MYL1: variants seen among roughly 807,000 people sequenced by gnomAD.
MYL1 encodes the protein myosin light chain 1, also known as myosin light chain 1/3, skeletal muscle isoform.
Under a neutral mutation model 21.8 loss-of-function variants are expected in MYL1, and 16 were observed. That is an observed-to-expected ratio of 0.74 (90% CI 0.50 to 1.12). The LOEUF is 1.12. Ranked by LOEUF, MYL1 falls within the 50% of genes most tolerant of loss-of-function variation. MYL1 has a pLI of 0.00. For synonymous variants in MYL1, 99 were observed against 85.2 expected (o/e 1.16, Z -0.89); for missense variants, 246 against 241.0 (o/e 1.02, Z -0.14).
chr2:210,296,660 G>T (rs1690178327), intron 3 of MYL1, among the ~76,000 whole-genome samples: 1 of 152,064 alleles, frequency 6.6e-6, no homozygotes, highest in African/African-American at 2.4e-5. Context: ...GCTGGGTGTG[G>T]TGGTGCACAT....
intron 1 of MYL1, chr2:210,303,491 C>G: frequency 1.3e-6 from 2 of 1,550,618 alleles, no homozygotes; most frequent in Non-Finnish European, 1.8e-6. Flanking sequence ...AGATCATATC[C>G]TCTATCTATT....
chr2:210,304,704 G>C (rs1381803609), intron 1 of MYL1, among the ~76,000 whole-genome samples: 1 of 152,120 alleles, frequency 6.6e-6, no homozygotes, highest in East Asian at 1.9e-4. Context: ...CACTGCACCT[G>C]ACTAATTTTT....
In MYL1 at chr2:210,302,777, G is replaced by A. The variant is rs1384494550; in HGVS notation, c.133-262C>T. The A allele has an allele frequency of 3.2e-6, 5 of 1,565,792 alleles. No individual in the cohort carries two copies. The African/African-American group carries it at 5.4e-5, about 17-fold the overall frequency. Reference sequence around the variant, plus strand: ...AACTCAATTCACTTACCAGCAATCTGGTCAGCACTGAAGGACTGCAGTGGC... The same window carrying A: ...AACTCAATTCACTTACCAGCAATCTAGTCAGCACTGAAGGACTGCAGTGGC... On this transcript the variant is annotated intron_variant, in intron 1 of 6. Transcript: ENST00000352451.
intron 1 of MYL1, among the ~76,000 whole-genome samples, chr2:210,311,942 C>G (rs1690424947): frequency 6.6e-6 from 1 of 151,908 alleles, no homozygotes; most frequent in South Asian, 2.1e-4. Context: ...GATTGGACAT[C>G]AAGTAAGCAT....
chr2:210,295,371 C>T (rs1575702365), intron 3 of MYL1, among the ~76,000 whole-genome samples: 1 of 152,074 alleles, frequency 6.6e-6, no homozygotes. Flanking sequence ...CAGTGGCTCA[C>T]ACCTGTAACA....
intron 1 of MYL1, among the ~76,000 whole-genome samples, chr2:210,313,725 A>G (rs1690449313): frequency 6.6e-6 from 1 of 152,094 alleles, no homozygotes; most frequent in African/African-American, 2.4e-5. Flanking sequence ...TAAATTATAA[A>G]TATATTTAAC....
intron 3 of MYL1, among the ~76,000 whole-genome samples, chr2:210,296,498 G>A (rs1030257971): frequency 5.3e-5 from 8 of 152,034 alleles, no homozygotes; most frequent in Non-Finnish European, 8.8e-5. Context: ...TTAAAAATAA[G>A]GTTTCTGTTG....
chr2:210,298,270 T>G, intron 3 of MYL1, 150 bp downstream of exon 3: 1 of 907,616 alleles, frequency 1.1e-6, no homozygotes, highest in Non-Finnish European at 1.6e-6. Flanking sequence ...CTGAGCCCTA[T>G]TATGTGAAAC....
rs139975207 is a variant in MYL1, at chr2:210,301,108, A to G, written c.160+1380T>C. Among the ~76,000 whole-genome samples the G allele has an allele frequency of 4.4e-3, 668 of 152,182 alleles. 8 individuals carry two copies. The highest frequency in any genetic ancestry group is 0.015 in the African/African-American group (622 of 41,544). On this transcript the variant is annotated intron_variant, in intron 2 of 6. Transcript: ENST00000352451. The stretch of plus-strand genomic sequence containing the variant: ...AAGTCTTCCATTGCTTGATCCTACA[A>G]TAGTTTTGTCACAACAATTGTAAAT...
intron 5 of MYL1, among the ~76,000 whole-genome samples, chr2:210,292,332 C>T (rs1231137664): frequency 1.3e-5 from 2 of 152,088 alleles, no homozygotes; most frequent in African/African-American, 4.8e-5. Context: ...CTGGGCCTCC[C>T]AAACTGCTGG....
chr2:210,291,251 G>A (rs534552742), intron 5 of MYL1, among the ~76,000 whole-genome samples, 177 bp from the exon 6 acceptor site: 2 of 152,154 alleles, frequency 1.3e-5, no homozygotes, highest in African/African-American at 4.8e-5. Flanking sequence ...TATGACCTTT[G>A]CCCTGATTTT....
At chr2:210,303,747 T>A (rs1403242125) in intron 1 of MYL1, 3 of 555,106 alleles carry the variant, frequency 5.4e-6, no homozygotes, top group Non-Finnish European at 9.0e-6. Context: ...AAGGGAAAGA[T>A]GGATCTGTAC....
At position 210,298,591 on chromosome 2, in the gene MYL1, C is replaced by G. The variant is rs1690217228; in HGVS notation, c.161-28G>C. ...GCAAAAAGCAAGAAGCATTAGAGTG[C>G]TCTTTTCTTCCTCTAACCTATTAAT... On this transcript the variant is annotated intron_variant, in intron 2 of 6. Coordinates refer to ENST00000352451, the MANE Select transcript of MYL1 (RefSeq NM_079420.3). 2.5e-6 allele frequency: 4 copies of G among 1,612,742 alleles called. No homozygotes were observed. In the Admixed American group the frequency reaches 6.7e-5, roughly 27 times the overall value.
chr2:210,298,353 C>CACACACAT, intron 3 of MYL1, 67 bp downstream of exon 3: 3 of 1,554,208 alleles, frequency 1.9e-6, no homozygotes, highest in Admixed American at 1.7e-5. Context: ...CACACACACA[C>CACACACAT]ACACACACAC....
At chr2:210,293,641 G>A in intron 5 of MYL1, 82 bp downstream of exon 5, 1 of 1,116,702 alleles carries the variant, frequency 9.0e-7, no homozygotes, top group Non-Finnish European at 1.3e-6. Flanking sequence ...AAGGAAGGAA[G>A]AGGAAAAGAA....
In MYL1 at chr2:210,290,204, T is replaced by C. The variant is rs1418574206; in HGVS notation, c.*278A>G. 1.3e-5 allele frequency: 2 copies of C among 152,136 alleles called. No individual in the cohort carries two copies. The highest frequency in any genetic ancestry group is 3.8e-4 in the East Asian group (2 of 5,198). The allele number at this position is 152,136 out of a possible 1,614,324, so 9.4% of individuals were successfully genotyped here. A position where few individuals can be genotyped will look rare whatever the true frequency, so the allele number is the denominator to read the frequency against. On this transcript the variant is annotated 3_prime_UTR_variant, in exon 7 of 7. Coordinates refer to ENST00000352451, the MANE Select transcript of MYL1 (RefSeq NM_079420.3). ...TTATTGTTTTAAGAATGTTTGTTGA[T>C]TCATGGTAGATAATAAAGAATGGTG...
At chr2:210,290,769 T>C (rs1481596200) in intron 6 of MYL1, among the ~76,000 whole-genome samples, 1 of 152,102 alleles carries the variant, frequency 6.6e-6, no homozygotes, top group Non-Finnish European at 1.5e-5. Context: ...GTTTGTTGAG[T>C]CTCCACTGCA....
intron 1 of MYL1, among the ~76,000 whole-genome samples, chr2:210,312,170 A>G (rs1690427165): frequency 6.6e-6 from 1 of 151,998 alleles, no homozygotes; most frequent in Non-Finnish European, 1.5e-5. Flanking sequence ...AGCTGGGAAT[A>G]CTATGGAGAA....
chr2:210,303,871 C>A (rs1422662796), intron 1 of MYL1, among the ~76,000 whole-genome samples: 1 of 152,098 alleles, frequency 6.6e-6, no homozygotes, highest in Admixed American at 6.5e-5. Context: ...GGAGCATCTT[C>A]CTTTAAGAAG....
Sources: allele counts gnomAD v4.1 joint callset (sites outside exome capture counted in the v4.1 genomes callset), GRCh38; gene constraint gnomAD v4.1.1; transcripts MANE v1.5; gene names NCBI Gene and HGNC (gene_info 2026-07-23, HGNC 2026-07-21).